The following ANKRD30B variants were observed in gnomAD, a reference collection of about 807,000 sequenced individuals.
The protein encoded by ANKRD30B is ankyrin repeat domain 30B.
In ANKRD30B, 144 loss-of-function variants were observed where a neutral mutation model predicts 202.2. The ratio of observed to expected loss-of-function variants is 0.71; its 90% CI spans 0.62 to 0.82. The LOEUF is 0.82. Ranked by LOEUF, ANKRD30B falls within the 40% of genes least tolerant of loss-of-function variation. The pLI is 0.00. For missense variants in ANKRD30B, 1,487 were observed against 1,669.1 expected (o/e 0.89, Z 1.90); for synonymous variants, 508 against 561.3 (o/e 0.91, Z 1.34).
chr18:14,769,991 G>C (rs1450374635), intron 8 of ANKRD30B, among the ~76,000 whole-genome samples: 2 of 152,176 alleles, frequency 1.3e-5, no homozygotes, highest in Non-Finnish European at 2.9e-5. Flanking sequence ...ATATAGATAT[G>C]TTATGTTAAT....
At chr18:14,767,443 G>T (rs1413408061) in intron 7 of ANKRD30B, among the ~76,000 whole-genome samples, 1 of 152,160 alleles carries the variant, frequency 6.6e-6, no homozygotes, top group Non-Finnish European at 1.5e-5. Flanking sequence ...ATAATACATT[G>T]TAATCAAAGT....
chr18:14,893,029 C>T, the ANKRD30B span, among the ~76,000 whole-genome samples: 3 of 152,096 alleles, frequency 2.0e-5, no homozygotes, highest in East Asian at 5.8e-4. Context: ...CTACGTTTAG[C>T]TGAGATGAGA....
intron 39 of ANKRD30B, among the ~76,000 whole-genome samples, chr18:14,844,640 A>T (rs1025991868): frequency 2.0e-5 from 3 of 152,202 alleles, no homozygotes; most frequent in Non-Finnish European, 2.9e-5. Context: ...CTAGTTCCAG[A>T]TCCTTGAAGA....
intron 9 of ANKRD30B, among the ~76,000 whole-genome samples, chr18:14,775,913 C>T (rs1967323405): frequency 1.3e-5 from 2 of 152,198 alleles, no homozygotes; most frequent in African/African-American, 2.4e-5. Context: ...ATAAAAATAG[C>T]GCTCATATCT....
At chr18:14,874,559 C>T in the ANKRD30B span, among the ~76,000 whole-genome samples, 59 of 152,112 alleles carry the variant, frequency 3.9e-4, no homozygotes, top group African/African-American at 1.3e-3. Context: ...TTATCTATTT[C>T]GATTTTTCAG....
chr18:14,888,924 A>G, the ANKRD30B span: 5 of 1,077,198 alleles, frequency 4.6e-6, no homozygotes, highest in Non-Finnish European at 5.3e-6. Context: ...ACAAACAAAC[A>G]AACATGTTCC....
the ANKRD30B span, among the ~76,000 whole-genome samples, chr18:14,911,893 G>A: frequency 6.6e-6 from 1 of 152,104 alleles, no homozygotes; most frequent in South Asian, 2.1e-4. Context: ...TTGTAAATGG[G>A]ATTGCCTTCT....
At chr18:14,831,497 C>G (rs1970938240) in intron 34 of ANKRD30B, 42 bp downstream of exon 34, 1 of 1,106,546 alleles carries the variant, frequency 9.0e-7, no homozygotes, top group Non-Finnish European at 1.3e-6. Context: ...CAGTTGGAAT[C>G]TAATTCTGTA....
At chr18:14,772,071 G>C (rs1418106361) in intron 8 of ANKRD30B, 85 bp from the exon 9 acceptor site, 6 of 765,668 alleles carry the variant, frequency 7.8e-6, no homozygotes, top group Non-Finnish European at 1.2e-5. Context: ...TCATTTTATA[G>C]AGTGAGCACC....
chr18:14,824,192 TTAACTC>T (rs75504251), intron 32 of ANKRD30B, among the ~76,000 whole-genome samples: 60,987 of 151,958 alleles, frequency 0.4, 13,579 homozygotes, highest in East Asian at 0.58. Context: ...GTTTGCGATT[TTAACTC>T]TAAAACACAT....
In ANKRD30B at chr18:14,807,897, G is replaced by A. The variant is rs185571068; in HGVS notation, c.2285-654G>A. Among the ~76,000 whole-genome samples the A allele has an allele frequency of 2.0e-3, 302 of 150,606 alleles. 9 individuals are homozygous for A. The highest frequency in any genetic ancestry group is 3.5e-3 in the Non-Finnish European group (238 of 67,618). ...TAAGTGGATCAGGAAATTTTGAGAG[G>A]ACTAAACCAGAGAACCCCATAAATG... On this transcript the variant is annotated intron_variant, in intron 24 of 43. Transcript: ENST00000690538.
rs1968128721 is a variant in ANKRD30B at position 14,787,032 on chromosome 18, T to C, written c.1673-7T>C. The C allele has an allele frequency of 6.2e-7, 1 of 1,606,528 alleles. No individual in the cohort carries two copies. Among genetic ancestry groups the C allele is most frequent in the South Asian group, 1.1e-5 (1 of 90,148 alleles). On this transcript the variant is annotated splice_polypyrimidine_tract_variant and splice_region_variant and intron_variant, in intron 14 of 43. Transcript: ENST00000690538. ...TCATGAATACATCTGTGATTAACCT[T>C]TTATAGCTCAGATGTTCCCATCAGA... is the stretch of plus-strand genomic sequence containing the variant.
At chr18:14,753,179 A>G (rs567074877) in intron 3 of ANKRD30B, among the ~76,000 whole-genome samples, 167 bp downstream of exon 3, 1 of 152,310 alleles carries the variant, frequency 6.6e-6, no homozygotes, top group South Asian at 2.1e-4. Flanking sequence ...TTTTAAAAGA[A>G]CTATTAGAGA....
At chr18:14,803,376 T>TCC (rs1568028624) in intron 23 of ANKRD30B, among the ~76,000 whole-genome samples, 1 of 106,202 alleles carries the variant, frequency 9.4e-6, no homozygotes, top group Non-Finnish European at 1.9e-5. Flanking sequence ...AAGTGTATTG[T>TCC]ATTTTGTTTG....
At chr18:14,759,045 C>T (rs1184449153) in intron 5 of ANKRD30B, 7 of 152,092 alleles carry the variant, frequency 4.6e-5, no homozygotes, top group Non-Finnish European at 8.8e-5. Context: ...ATCTTTACCT[C>T]GAGTTTTTAA....
chr18:14,752,647 C>G lies in ANKRD30B; in HGVS notation c.303C>G (p.Val101=). ...FLVDRKCQLN[V]LDGEGRTPLM... ...TAGACAGAAAGTGCCAGCTTAATGT[C>G]CTTGATGGCGAAGGGAGGACACCTC... is the stretch of plus-strand genomic sequence containing the variant. Residue 101 remains valine (V), a synonymous_variant, in exon 2 of 44, where the codon GTC becomes GTG. Coordinates refer to ENST00000690538, the MANE Select transcript of ANKRD30B (RefSeq NM_001367607.2). 6.2e-7 allele frequency: 1 copy of G among 1,608,988 alleles called. No individual in the cohort carries two copies.
chr18:14,902,393 G>A, the ANKRD30B span, among the ~76,000 whole-genome samples: 1 of 152,252 alleles, frequency 6.6e-6, no homozygotes, highest in South Asian at 2.1e-4. Context: ...AAAATCTGAG[G>A]GTGAATTGTT....
rs552370156 is a variant in ANKRD30B at position 14,853,927 on chromosome 18, T to A, written c.*17T>A. Among the ~76,000 whole-genome samples, 13 of 152,156 alleles carry A rather than the reference T, an allele frequency of 8.5e-5. No homozygotes were observed. Among genetic ancestry groups the A allele is most frequent in the African/African-American group, 3.1e-4 (13 of 41,440 alleles). On this transcript the variant is annotated 3_prime_UTR_variant, in exon 43 of 44. Transcript: ENST00000690538. ...CATCAATAGAGGCTACATCACATTATCACATTAATCTCAAAGGTGAGATAC... is the reference window on the plus strand; with the variant it reads ...CATCAATAGAGGCTACATCACATTAACACATTAATCTCAAAGGTGAGATAC...
chr18:14,865,706 C>G, the ANKRD30B span, among the ~76,000 whole-genome samples: 3 of 151,518 alleles, frequency 2.0e-5, no homozygotes, highest in Admixed American at 6.6e-5. Context: ...ACTAACCACC[C>G]TCTTTACCCT....
Sources: gnomAD v4.1 joint callset for allele counts (sites outside exome capture counted in the v4.1 genomes callset) on GRCh38, gnomAD v4.1.1 for gene constraint, MANE v1.5 for transcripts, NCBI Gene and HGNC (gene_info 2026-07-23, HGNC 2026-07-21) for gene names.